The following ERG variants were observed in gnomAD, a reference collection of about 807,000 sequenced individuals.
ERG encodes ETS transcription factor ERG.
In ERG, 9 loss-of-function variants were observed where a neutral mutation model predicts 55.3. The observed-to-expected ratio is 0.16, with a 90% confidence interval of 0.10 to 0.28. ERG has a LOEUF of 0.28. Ranked by LOEUF, ERG falls within the 10% of genes least tolerant of loss-of-function variation. The pLI is 1.00. For missense variants in ERG, 434 were observed against 631.6 expected, an observed-to-expected ratio of 0.69 and a Z score of 3.35; for synonymous variants, 223 against 237.3, an observed-to-expected ratio of 0.94 and a Z score of 0.55.
rs571481684 is a variant in ERG at position 38,440,655 on chromosome 21, C to T, written c.236+4749G>A. 6.0e-4 allele frequency among the ~76,000 whole-genome samples: 91 copies of T among 151,908 alleles called. No homozygotes were observed. The South Asian group carries it at 1.0e-2, about 17-fold the overall frequency. On this transcript the variant is annotated intron_variant, in intron 2 of 9. Transcript: ENST00000288319. The stretch of plus-strand genomic sequence containing the variant: ...GGACAACATGGTGAAGCCCCATCTC[C>T]GCTAAAAATATGAAAACTAGCCACT...
chr21:38,574,242 T>C lies in ERG; in HGVS notation c.-41+1420A>G, dbSNP rs1321268816. Among the ~76,000 whole-genome samples the C allele has an allele frequency of 4.6e-5, 7 of 152,244 alleles. No individual in the cohort carries two copies. In the East Asian group the frequency reaches 1.3e-3, roughly 29 times the overall value. On this transcript the variant is annotated intron_variant, in intron 2 of 8. Coordinates refer to the ERG transcript ENST00000398897. ...GAAAGTCTTTCTCCCACTTTACTTG[T>C]GTAGCACAGACACACTGATCAAATA...
chr21:38,438,974 A>T (rs1484211187), intron 2 of ERG, among the ~76,000 whole-genome samples: 1 of 152,210 alleles, frequency 6.6e-6, no homozygotes, highest in Non-Finnish European at 1.5e-5. Context: ...GGTGGAGGTG[A>T]TGCTGCTGGT....
At chr21:38,528,062 C>T (rs1178237351) in intron 2 of ERG, among the ~76,000 whole-genome samples, 3 of 152,208 alleles carry the variant, frequency 2.0e-5, no homozygotes, top group African/African-American at 7.2e-5. Context: ...TCTCTCTCCC[C>T]CAGCTTCTGG....
chr21:38,491,877 A>G (rs937390016), intron 1 of ERG, among the ~76,000 whole-genome samples: 1 of 152,240 alleles, frequency 6.6e-6, no homozygotes, highest in African/African-American at 2.4e-5. Flanking sequence ...CTTGTCACTG[A>G]GCAAATATAG....
At chr21:38,632,428 T>C (rs780716543) in intron 1 of ERG, among the ~76,000 whole-genome samples, 23 of 152,310 alleles carry the variant, frequency 1.5e-4, no homozygotes, top group Middle Eastern at 3.4e-3. Flanking sequence ...TGATGGGTGA[T>C]AGGGTTTGGA....
intron 2 of ERG, among the ~76,000 whole-genome samples, chr21:38,444,541 T>C (rs2058871283): frequency 6.6e-6 from 1 of 152,168 alleles, no homozygotes; most frequent in Non-Finnish European, 1.5e-5. Context: ...TATGGGGTAT[T>C]AGATCATAAT....
At chr21:38,591,742 T>C (rs2060101470) in intron 1 of ERG, among the ~76,000 whole-genome samples, 1 of 151,992 alleles carries the variant, frequency 6.6e-6, no homozygotes, top group Non-Finnish European at 1.5e-5. Flanking sequence ...AAAACAAAAA[T>C]GAAAAGCACT....
Position 38,428,520 on chromosome 21 carries a change from G to GTA in ERG, c.237-4961_237-4960dup, listed in dbSNP as rs796124042. ...TGTTTTATTGTGCACATGACAAAGA[G>GTA]TATGCTGTGCAGGGAATGAACAGTC... On this transcript the variant is annotated intron_variant, in intron 2 of 9. Transcript: ENST00000288319. 9.6e-4 allele frequency among the ~76,000 whole-genome samples: 146 copies of GTA among 152,342 alleles called. 1 individual carries two copies. The highest frequency in any genetic ancestry group is 3.3e-3 in the African/African-American group (139 of 41,580).
At chr21:38,468,982 CAAAAAAA>C (rs1261630693) in intron 1 of ERG, among the ~76,000 whole-genome samples, 6 of 29,048 alleles carry the variant, frequency 2.1e-4, no homozygotes, top group African/African-American at 6.6e-4. Flanking sequence ...GACTCTGTCT[CAAAAAAA>C]AAAAAAAAAA....
chr21:38,506,168 T>G (rs1401308830), intron 2 of ERG, among the ~76,000 whole-genome samples: 1 of 152,210 alleles, frequency 6.6e-6, no homozygotes, highest in Non-Finnish European at 1.5e-5. Flanking sequence ...AATTGTATAA[T>G]TGTTTTATGC....
chr21:38,418,635 A>G (rs1989392234), intron 3 of ERG, among the ~76,000 whole-genome samples: 1 of 151,780 alleles, frequency 6.6e-6, no homozygotes, highest in Non-Finnish European at 1.5e-5. Flanking sequence ...ACTTTGAAAA[A>G]CACTTTCTAG....
At chr21:38,480,455 C>T (rs981335789) in intron 1 of ERG, among the ~76,000 whole-genome samples, 1 of 152,070 alleles carries the variant, frequency 6.6e-6, no homozygotes, top group African/African-American at 2.4e-5. Flanking sequence ...GACTCCCAAG[C>T]TATAACAGAA....
intron 2 of ERG, among the ~76,000 whole-genome samples, chr21:38,559,469 G>A (rs1333146925): frequency 1.4e-5 from 2 of 139,600 alleles, no homozygotes; most frequent in Non-Finnish European, 3.0e-5. Context: ...GAGGACAAAG[G>A]TTGATATAAT....
intron 5 of ERG, among the ~76,000 whole-genome samples, chr21:38,402,176 G>T (rs964458685): frequency 2.0e-5 from 3 of 152,100 alleles, no homozygotes; most frequent in African/African-American, 7.2e-5. Context: ...AAAATTAAAG[G>T]AGGTTGCTAA....
intron 1 of ERG, among the ~76,000 whole-genome samples, chr21:38,583,318 C>T (rs1451143412): frequency 1.3e-5 from 2 of 152,166 alleles, no homozygotes; most frequent in Non-Finnish European, 1.5e-5. Context: ...TTTAAGGAGG[C>T]TCTCCCTCTC....
At chr21:38,503,004 C>T (rs1304601292), upstream of ERG, among the ~76,000 whole-genome samples, 3 of 151,942 alleles carry the variant, frequency 2.0e-5, no homozygotes, top group African/African-American at 7.3e-5. Context: ...GGATTACAGG[C>T]GTGAGCCACC....
At chr21:38,572,989 G>A (rs1327368405) in intron 2 of ERG, among the ~76,000 whole-genome samples, 1 of 152,156 alleles carries the variant, frequency 6.6e-6, no homozygotes, top group Admixed American at 6.5e-5. Context: ...TTGTAGCTTT[G>A]CCCCAACCAC....
intron 1 of ERG, among the ~76,000 whole-genome samples, chr21:38,578,280 T>C (rs2060007249): frequency 6.6e-6 from 1 of 152,202 alleles, no homozygotes; most frequent in African/African-American, 2.4e-5. Flanking sequence ...ACACAGGTCA[T>C]TGAAACACCC....
At chr21:38,587,608 G>A (rs1001814928), upstream of ERG, among the ~76,000 whole-genome samples, 5 of 152,026 alleles carry the variant, frequency 3.3e-5, no homozygotes, top group East Asian at 1.9e-4. Flanking sequence ...CACCCGCCTC[G>A]GCCAAAGTGC....
Sources: gnomAD v4.1 joint callset for allele counts (sites outside exome capture counted in the v4.1 genomes callset) on GRCh38, gnomAD v4.1.1 for gene constraint, MANE v1.5 for transcripts, NCBI Gene and HGNC (gene_info 2026-07-23, HGNC 2026-07-21) for gene names.